MDGA2: variants seen among roughly 807,000 people sequenced by gnomAD.
MDGA2 encodes the protein MAM domain-containing glycosylphosphatidylinositol anchor protein 2.
A neutral mutation model predicts 117.8 loss-of-function variants in MDGA2; 40 were observed. The ratio of observed to expected loss-of-function variants is 0.34; its 90% CI spans 0.26 to 0.44. The LOEUF (loss-of-function observed/expected upper bound fraction) is 0.44, where lower values mean the gene tolerates loss of function less well. MDGA2 is among the 20% of genes least tolerant of loss of function. The pLI is 1.00. For synonymous variants in MDGA2, 452 were observed against 439.0 expected, an observed-to-expected ratio of 1.03 and a Z score of -0.37; for missense variants, 1,123 against 1,250.6, an observed-to-expected ratio of 0.90 and a Z score of 1.54.
intron 3 of MDGA2, among the ~76,000 whole-genome samples, chr14:47,145,595 C>T (rs1882911006): frequency 6.6e-6 from 1 of 152,072 alleles, no homozygotes. Context: ...CCACCTTCAC[C>T]CAGCTTTACC....
chr14:47,663,216 T>G (rs1198067587), intron 1 of MDGA2, among the ~76,000 whole-genome samples: 1 of 152,240 alleles, frequency 6.6e-6, no homozygotes, highest in Non-Finnish European at 1.5e-5. Context: ...GGCAGTTGTA[T>G]CTCTCCATAT....
chr14:47,367,335 T>A (rs1891252723), intron 1 of MDGA2, among the ~76,000 whole-genome samples: 1 of 152,196 alleles, frequency 6.6e-6, no homozygotes, highest in Admixed American at 6.5e-5. Flanking sequence ...AATATTTGTC[T>A]CTGGCTGTAC....
At chr14:47,619,329 A>G (rs1164636) in intron 1 of MDGA2, among the ~76,000 whole-genome samples, 128,059 of 152,142 alleles carry the variant, frequency 0.84, 53,973 homozygotes, top group Middle Eastern at 0.86. Context: ...ATGGTACAGT[A>G]GTTAGCTGCG....
At chr14:47,516,837 C>A (rs1026206649) in intron 1 of MDGA2, among the ~76,000 whole-genome samples, 1 of 152,074 alleles carries the variant, frequency 6.6e-6, no homozygotes, top group Admixed American at 6.6e-5. Flanking sequence ...ATTTTTAAAG[C>A]CCATTTTGGT....
intron 10 of MDGA2, among the ~76,000 whole-genome samples, chr14:46,905,793 A>G (rs1883468511): frequency 6.6e-6 from 1 of 152,032 alleles, no homozygotes; most frequent in African/African-American, 2.4e-5. Flanking sequence ...AACTGAAACA[A>G]AACAAAACAA....
intron 1 of MDGA2, among the ~76,000 whole-genome samples, chr14:47,667,077 G>C (rs1464874749): frequency 6.6e-6 from 1 of 152,176 alleles, no homozygotes; most frequent in African/African-American, 2.4e-5. Flanking sequence ...CTTCATTCTT[G>C]AAGTCAGTGA....
chr14:47,177,618 G>A (rs1167086666), intron 3 of MDGA2, among the ~76,000 whole-genome samples: 2 of 152,138 alleles, frequency 1.3e-5, no homozygotes, highest in Non-Finnish European at 1.5e-5. Flanking sequence ...CATGGACACA[G>A]GAAGGGGAAC....
chr14:47,519,834 A>G (rs1368834686), intron 1 of MDGA2, among the ~76,000 whole-genome samples: 6 of 152,254 alleles, frequency 3.9e-5, no homozygotes, highest in Admixed American at 2.0e-4. Context: ...TTTGGAATTA[A>G]GAGATAAACC....
chr14:47,262,577 C>T (rs1887831289), intron 2 of MDGA2, among the ~76,000 whole-genome samples: 1 of 152,136 alleles, frequency 6.6e-6, no homozygotes, highest in African/African-American at 2.4e-5. Flanking sequence ...TCCCTTACTC[C>T]ATGAATTTGC....
chr14:47,675,310 AGAGGAGGAAGAGGAG>A lies in MDGA2; in HGVS notation c.-529_-515del, dbSNP rs72237346. On this transcript the variant is annotated 5_prime_UTR_variant, in exon 1 of 17. Transcript: ENST00000399232. ...TACAGACTCGCATCGCCGAACGGGG[AGAGGAGGAAGAGGAG>A]GAGGAGGAAGAGGAGGAGGAGGAAG... 0.99 allele frequency among the ~76,000 whole-genome samples: 130,048 copies of A among 131,336 alleles called. 64,393 individuals carry two copies. Among genetic ancestry groups the A allele is most frequent in the East Asian group, 1 (4,261 of 4,274 alleles). 86.2% of individuals were successfully genotyped at this position (131,336 alleles called of 152,430 possible).
At chr14:47,180,641 A>T (rs1594701637) in intron 3 of MDGA2, among the ~76,000 whole-genome samples, 1 of 152,176 alleles carries the variant, frequency 6.6e-6, no homozygotes, top group Non-Finnish European at 1.5e-5. Flanking sequence ...ATCTCACAGC[A>T]GTCAGAATGG....
chr14:47,614,372 G>A (rs1896911257), intron 1 of MDGA2, among the ~76,000 whole-genome samples: 1 of 152,120 alleles, frequency 6.6e-6, no homozygotes, highest in Non-Finnish European at 1.5e-5. Context: ...TTACAGGCAT[G>A]AGCCATCGCA....
At chr14:46,875,031 A>ACATAATGTATATTATTTCACTCAGCCT (rs1345063295) in intron 12 of MDGA2, among the ~76,000 whole-genome samples, 1 of 151,782 alleles carries the variant, frequency 6.6e-6, no homozygotes, top group Non-Finnish European at 1.5e-5. Flanking sequence ...GAAAGAATAA[A>ACATAATGTATATTATTTCACTCAGCCT]CATAATGTAT....
At chr14:47,656,826 C>T (rs565308752) in intron 1 of MDGA2, among the ~76,000 whole-genome samples, 11 of 152,294 alleles carry the variant, frequency 7.2e-5, no homozygotes, top group African/African-American at 2.6e-4. Context: ...TAACATTATT[C>T]CCATAAAGAG....
At position 47,144,154 on chromosome 14, in the gene MDGA2, C is replaced by A; in HGVS notation, c.716G>T (p.Ser239Ile). 6.4e-7 allele frequency: 1 copy of A among 1,551,338 alleles called. No homozygotes were observed. Among genetic ancestry groups the A allele is most frequent in the Non-Finnish European group, 8.7e-7 (1 of 1,146,770 alleles). ...VANSNPPVRY[S>I]WRRGQEVLLQ... ...CAAGACCTCCTGGCCACGTCTCCAG[C>A]TATACCGAACAGGAGGATTGGAATT... Residue 239 changes from serine to isoleucine, a missense_variant, in exon 4 of 17, where the codon AGC (serine) becomes ATC (isoleucine). Physicochemically the swap from Ser to Ile is moderately radical, Grantham distance 142. Around this residue, in one of 2 missense-constraint regions of MDGA2, gnomAD observed 890 missense variants for 1,050.3 expected, o/e 0.85. Coordinates refer to ENST00000399232, the MANE Select transcript of MDGA2 (RefSeq NM_001113498.3).
intron 2 of MDGA2, among the ~76,000 whole-genome samples, chr14:47,219,878 A>G (rs1442246277): frequency 6.6e-6 from 1 of 152,170 alleles, no homozygotes. Flanking sequence ...TACACAAGGA[A>G]ACATACAAAA....
At chr14:47,113,014 T>C (rs1448255702) in intron 5 of MDGA2, among the ~76,000 whole-genome samples, 1 of 152,184 alleles carries the variant, frequency 6.6e-6, no homozygotes, top group Non-Finnish European at 1.5e-5. Flanking sequence ...CTTTTTCTCA[T>C]ATGCTTGTTG....
At chr14:47,150,768 A>G (rs1357736362) in intron 3 of MDGA2, among the ~76,000 whole-genome samples, 1 of 152,012 alleles carries the variant, frequency 6.6e-6, no homozygotes, top group African/African-American at 2.4e-5. Context: ...TACTAAAAAT[A>G]TAAAAATTAG....
chr14:47,481,207 C>T (rs1450066735), intron 1 of MDGA2, among the ~76,000 whole-genome samples: 1 of 151,902 alleles, frequency 6.6e-6, no homozygotes, highest in Admixed American at 6.6e-5. Flanking sequence ...AAGTGATAAG[C>T]GTAGGAGGAA....
Sources: gnomAD v4.1 joint callset for allele counts (sites outside exome capture counted in the v4.1 genomes callset) on GRCh38, gnomAD v4.1.1 for gene constraint, gnomAD v4.1.1 regional missense constraint, MANE v1.5 for transcripts, NCBI Gene and HGNC (gene_info 2026-07-23, HGNC 2026-07-21) for gene names.